SGO1: variants seen among roughly 807,000 people sequenced by gnomAD.
SGO1 encodes shugoshin 1, also known as serologically defined breast cancer antigen NY-BR-85.
A neutral mutation model predicts 50.5 loss-of-function variants in SGO1; 39 were observed. The ratio of observed to expected loss-of-function variants is 0.77; its 90% CI spans 0.60 to 1.01. The LOEUF (loss-of-function observed/expected upper bound fraction) is 1.01. SGO1 is among the 50% of genes least tolerant of loss of function. The pLI is 0.00. For missense variants in SGO1, 638 were observed against 606.0 expected (o/e 1.05, Z -0.55); for synonymous variants, 191 against 205.1 (o/e 0.93, Z 0.59).
chr3:20,179,893 T>C (rs947543377), intron 3 of SGO1, among the ~76,000 whole-genome samples: 3 of 152,204 alleles, frequency 2.0e-5, no homozygotes, highest in African/African-American at 7.2e-5. Context: ...TGCATATTAT[T>C]ACTGCAAGGT....
chr3:20,176,681 A>C, intron 4 of SGO1, 22 bp from the exon 5 acceptor site: 4 of 1,488,532 alleles, frequency 2.7e-6, no homozygotes, highest in Non-Finnish European at 3.6e-6. Flanking sequence ...CCAATGAAAA[A>C]CAGAAATTTA....
rs989254989 is a variant in SGO1, at chr3:20,170,532, A to G, written c.*172T>C. On this transcript the variant is annotated 3_prime_UTR_variant, in exon 8 of 8. Coordinates refer to ENST00000412997, the MANE Select transcript of SGO1 (RefSeq NM_001199251.3). The stretch of plus-strand genomic sequence containing the variant: ...ATAAATTAAATTTATTAAAGTTTTA[A>G]TACAAAGCATCCCATTTGAAGTATA... The G allele has an allele frequency of 1.9e-5, 23 of 1,233,208 alleles. No homozygotes were observed. The highest frequency in any genetic ancestry group is 3.7e-5 in the South Asian group (1 of 27,228). 76.4% of individuals were successfully genotyped at this position (1,233,208 alleles called of 1,614,324 possible).
At chr3:20,171,835 G>GTGTTTTTTT (rs1347734181) in intron 6 of SGO1, among the ~76,000 whole-genome samples, 1 of 152,114 alleles carries the variant, frequency 6.6e-6, no homozygotes, top group African/African-American at 2.4e-5. Flanking sequence ...ATGTAAAAAA[G>GTGTTTTTTT]TTACTCAGTG....
At chr3:20,169,157 A>G, downstream of SGO1, 3 of 985,396 alleles carry the variant, frequency 3.0e-6, no homozygotes, top group Non-Finnish European at 3.6e-6. Context: ...TAGAATACAG[A>G]AAGATAGGGA....
intron 6 of SGO1, among the ~76,000 whole-genome samples, chr3:20,173,616 A>G (rs905349867): frequency 5.3e-5 from 8 of 152,230 alleles, no homozygotes; most frequent in Admixed American, 5.2e-4. Flanking sequence ...ATATTTTGAA[A>G]ATGATACAAC....
In SGO1 at chr3:20,174,726, T is replaced by G. The variant is rs1049790345; in HGVS notation, c.805A>C (p.Lys269Gln). ...GATTTAGATTCTAAAATGTCTTCTT[T>G]TGTTTTAGTAAACGTTCCTGGCTGA... ...LIQPGTFTKT[K>Q]EDILESKSEQ... The change falls in exon 6 of 8, where the codon AAA (lysine) becomes CAA (glutamine). Residue 269 changes from lysine to glutamine, a missense_variant. Coordinates refer to ENST00000412997, the MANE Select transcript of SGO1 (RefSeq NM_001199251.3). 3 of 1,614,038 alleles carry G rather than the reference T, an allele frequency of 1.9e-6. No individual in the cohort carries two copies. The highest frequency in any genetic ancestry group is 2.5e-6 in the Non-Finnish European group (3 of 1,180,020).
rs750682149 is a variant in SGO1, at chr3:20,171,140, A to G, written c.1375T>C (p.Ser459Pro). ...LYPVVKIRRL[S>P]LSPKKNKASP... ...GCTTTATTCTTTTTTGGAGAAAGAG[A>G]AAGTCTTCTGATTTTCACAACAGGA... Residue 459 changes from serine to proline, a missense_variant, in exon 7 of 8, where the codon TCT (serine) becomes CCT (proline). Ser to Pro is a moderately conservative substitution (Grantham distance 74). Transcript: ENST00000412997. 1.2e-6 allele frequency: 2 copies of G among 1,613,286 alleles called. No individual in the cohort carries two copies. The highest frequency in any genetic ancestry group is 3.3e-4 in the Middle Eastern group (2 of 6,046).
At position 20,171,274 on chromosome 3, in the gene SGO1, C is replaced by A. The variant is rs201330689; in HGVS notation, c.1283-42G>T. 5.6e-6 allele frequency: 8 copies of A among 1,423,202 alleles called. No homozygotes were observed. The East Asian group carries it at 7.2e-5, about 13-fold the overall frequency. 88.2% of individuals were successfully genotyped at this position (1,423,202 alleles called of 1,614,324 possible). A position where few individuals can be genotyped will look rare whatever the true frequency, so the allele number is the denominator to read the frequency against. On this transcript the variant is annotated intron_variant, in intron 6 of 7. Coordinates refer to ENST00000412997, the MANE Select transcript of SGO1 (RefSeq NM_001199251.3). Reference sequence around the variant, plus strand: ...ACTGAATATGATTTAAAAAAAAAAACCCACACAAAAACTTAAATTGTACTC... The same window carrying A: ...ACTGAATATGATTTAAAAAAAAAAAACCACACAAAAACTTAAATTGTACTC...
chr3:20,176,124 G>A (rs1344611693), intron 5 of SGO1, among the ~76,000 whole-genome samples: 1 of 152,196 alleles, frequency 6.6e-6, no homozygotes, highest in Non-Finnish European at 1.5e-5. Flanking sequence ...AAGTGGAGGA[G>A]ATTGACACTT....
intron 1 of SGO1, among the ~76,000 whole-genome samples, chr3:20,184,499 C>T (rs1029469009): frequency 6.6e-6 from 1 of 152,172 alleles, no homozygotes; most frequent in African/African-American, 2.4e-5. Context: ...ATGATTAATT[C>T]ATCAGATTAG....
intron 8 of SGO1, among the ~76,000 whole-genome samples, chr3:20,162,791 T>C (rs1700105890): frequency 6.7e-6 from 1 of 149,882 alleles, no homozygotes; most frequent in Non-Finnish European, 1.5e-5. Flanking sequence ...CAAATGGAAT[T>C]TCTAGAGGTA....
At chr3:20,180,204 T>G (rs1383906066) in intron 3 of SGO1, among the ~76,000 whole-genome samples, 1 of 152,096 alleles carries the variant, frequency 6.6e-6, no homozygotes, top group African/African-American at 2.4e-5. Context: ...GGAGGATCAC[T>G]TGAGCCTGGG....
At chr3:20,175,156 G>T (rs960885371) in intron 5 of SGO1, 101 bp from the exon 6 acceptor site, 21 of 1,202,846 alleles carry the variant, frequency 1.7e-5, no homozygotes, top group Non-Finnish European at 1.9e-5. Flanking sequence ...TGACCAAAAG[G>T]TCATTCTGTA....
At chr3:20,176,422 A>C (rs1394281545) in intron 5 of SGO1, among the ~76,000 whole-genome samples, 179 bp downstream of exon 5, 1 of 152,234 alleles carries the variant, frequency 6.6e-6, no homozygotes, top group Non-Finnish European at 1.5e-5. Context: ...TTGACACAAT[A>C]AATATATTTT....
At chr3:20,179,586 G>A (rs1459038504) in intron 3 of SGO1, among the ~76,000 whole-genome samples, 1 of 151,936 alleles carries the variant, frequency 6.6e-6, no homozygotes, top group Non-Finnish European at 1.5e-5. Flanking sequence ...CACCACAACT[G>A]GCTAATTTTT....
At chr3:20,161,447 T>C (rs575547581) in intron 8 of SGO1, among the ~76,000 whole-genome samples, 1 of 152,278 alleles carries the variant, frequency 6.6e-6, no homozygotes, top group East Asian at 1.9e-4. Context: ...ACAGGTTACA[T>C]AGGCTATGAT....
intron 2 of SGO1, 27 bp from the exon 3 acceptor site, chr3:20,183,831 G>A: frequency 6.2e-7 from 1 of 1,601,902 alleles, no homozygotes; most frequent in Non-Finnish European, 8.5e-7. Context: ...AAATTTATCA[G>A]TTATTAAATC....
In SGO1 at chr3:20,176,671, C is replaced by T. The variant is rs1701427926; in HGVS notation, c.417-12G>A. 2.6e-6 allele frequency: 4 copies of T among 1,532,472 alleles called. No homozygotes were observed. Among genetic ancestry groups the T allele is most frequent in the Non-Finnish European group, 3.5e-6 (4 of 1,137,722 alleles). 94.9% of individuals were successfully genotyped at this position (1,532,472 alleles called of 1,614,324 possible). On this transcript the variant is annotated splice_polypyrimidine_tract_variant and intron_variant, in intron 4 of 7. Coordinates refer to ENST00000412997, the MANE Select transcript of SGO1 (RefSeq NM_001199251.3). ...CAAGAGGAATTTGCCTTAGAAAATACCAATGAAAAACAGAAATTTAACAAT... is the reference window on the plus strand; with the variant it reads ...CAAGAGGAATTTGCCTTAGAAAATATCAATGAAAAACAGAAATTTAACAAT...
chr3:20,175,863 T>C (rs55812129), intron 5 of SGO1, among the ~76,000 whole-genome samples: 19,164 of 152,118 alleles, frequency 0.13, 1,498 homozygotes, highest in Admixed American at 0.17. Flanking sequence ...AGTCTATATG[T>C]ATCATTGAGT....
Sources: gnomAD v4.1 joint callset for allele counts (sites outside exome capture counted in the v4.1 genomes callset) on GRCh38, gnomAD v4.1.1 for gene constraint, MANE v1.5 for transcripts, NCBI Gene and HGNC (gene_info 2026-07-23, HGNC 2026-07-21) for gene names.